Variants in RUNX2 observed in about 807,000 individuals in gnomAD.
RUNX2 encodes runt-related transcription factor 2.
In RUNX2, 10 loss-of-function variants were observed where a neutral mutation model predicts 51.7. The ratio of observed to expected loss-of-function variants is 0.19; its 90% CI spans 0.12 to 0.33. The LOEUF (loss-of-function observed/expected upper bound fraction) is 0.33. RUNX2 is among the 10% of genes least tolerant of loss of function. RUNX2 has a pLI of 1.00. For synonymous variants in RUNX2, 276 were observed against 273.6 expected (o/e 1.01, Z -0.09); for missense variants, 562 against 691.3 (o/e 0.81, Z 2.10).
chr6:45,512,522 C>T, intron 7 of RUNX2, 115 bp downstream of exon 7: 1 of 1,133,394 alleles, frequency 8.8e-7, no homozygotes, highest in Non-Finnish European at 1.3e-6. Flanking sequence ...GGCATGTGGG[C>T]AAGGGAATGA....
At chr6:45,395,316 T>G (rs1394352397) in intron 2 of RUNX2, among the ~76,000 whole-genome samples, 1 of 152,214 alleles carries the variant, frequency 6.6e-6, no homozygotes, top group Non-Finnish European at 1.5e-5. Flanking sequence ...ATAGAAATAA[T>G]TGATGACTAT....
In RUNX2 at chr6:45,491,923, A is replaced by G. The variant is rs113513309; in HGVS notation, c.686-18A>G. ...CAGCTAATTAATATGCTTTTATTTT[A>G]TGATTTGCTATTTCCAGGGCACAGA... is the stretch of plus-strand genomic sequence containing the variant. On this transcript the variant is annotated intron_variant, in intron 5 of 8. Transcript: ENST00000647337. 6.2e-7 allele frequency: 1 copy of G among 1,612,876 alleles called. No individual in the cohort carries two copies. Among genetic ancestry groups the G allele is most frequent in the African/African-American group, 1.3e-5 (1 of 74,924 alleles).
chr6:45,518,746 T>C (rs917072553), intron 7 of RUNX2, among the ~76,000 whole-genome samples: 1 of 152,198 alleles, frequency 6.6e-6, no homozygotes, highest in East Asian at 1.9e-4. Flanking sequence ...GGAATCATGC[T>C]TTTGCAGGGA....
At chr6:45,525,016 CAGG>C (rs1801628878) in intron 7 of RUNX2, among the ~76,000 whole-genome samples, 1 of 152,154 alleles carries the variant, frequency 6.6e-6, no homozygotes, top group East Asian at 1.9e-4. Context: ...GAGGCTGAGG[CAGG>C]AGAATTGCTT....
At chr6:45,406,845 A>G (rs774035232) in intron 2 of RUNX2, among the ~76,000 whole-genome samples, 3 of 152,174 alleles carry the variant, frequency 2.0e-5, no homozygotes, top group Non-Finnish European at 2.9e-5. Flanking sequence ...AGCCCAACCC[A>G]GTACTAGGAA....
At chr6:45,363,509 TAA>T (rs2150263277) in intron 2 of RUNX2, among the ~76,000 whole-genome samples, 1 of 152,172 alleles carries the variant, frequency 6.6e-6, no homozygotes, top group South Asian at 2.1e-4. Flanking sequence ...ATTCCCAAAT[TAA>T]AAGTTTTAAA....
chr6:45,418,272 C>G (rs1798107180), intron 2 of RUNX2, among the ~76,000 whole-genome samples: 1 of 152,102 alleles, frequency 6.6e-6, no homozygotes, highest in African/African-American at 2.4e-5. Flanking sequence ...GATAAATAAC[C>G]TGACTGCTTC....
At chr6:45,512,148 C>G (rs1024274834) in intron 6 of RUNX2, 98 bp from the exon 7 acceptor site, 1 of 1,145,488 alleles carries the variant, frequency 8.7e-7, no homozygotes, top group Non-Finnish European at 1.3e-6. Context: ...TTTTTTCTCT[C>G]CCTGTTTTTC....
chr6:45,411,181 C>G (rs894180941), intron 2 of RUNX2, among the ~76,000 whole-genome samples: 1 of 152,052 alleles, frequency 6.6e-6, no homozygotes, highest in Non-Finnish European at 1.5e-5. Context: ...TTTTCAAGAC[C>G]GCAAAGGTTT....
chr6:45,376,040 A>G (rs1024513395), intron 2 of RUNX2, among the ~76,000 whole-genome samples: 2 of 152,254 alleles, frequency 1.3e-5, no homozygotes, highest in Admixed American at 1.3e-4. Context: ...TTCTCACTGA[A>G]AAACCAACCA....
intron 7 of RUNX2, among the ~76,000 whole-genome samples, chr6:45,516,157 G>A (rs1271957731): frequency 6.6e-6 from 1 of 152,016 alleles, no homozygotes; most frequent in East Asian, 1.9e-4. Context: ...TTGGAAGGAA[G>A]GTATAAACAA....
At chr6:45,330,937 C>A (rs759605574) in intron 2 of RUNX2, among the ~76,000 whole-genome samples, 3 of 151,986 alleles carry the variant, frequency 2.0e-5, no homozygotes, top group African/African-American at 4.8e-5. Context: ...AGCCTAAAAC[C>A]TCACTTCAGG....
chr6:45,502,956 A>G (rs1357675891), intron 6 of RUNX2, among the ~76,000 whole-genome samples: 1 of 152,174 alleles, frequency 6.6e-6, no homozygotes, highest in East Asian at 1.9e-4. Flanking sequence ...TGTTCTAAAC[A>G]CAGGCCTTCT....
chr6:45,398,833 T>G (rs554872131), intron 2 of RUNX2, among the ~76,000 whole-genome samples: 44 of 152,336 alleles, frequency 2.9e-4, no homozygotes, highest in African/African-American at 1.0e-3. Flanking sequence ...AAGTAGGTAT[T>G]ATTGGTCCCA....
At chr6:45,414,012 A>C (rs898710008) in intron 2 of RUNX2, among the ~76,000 whole-genome samples, 3 of 152,182 alleles carry the variant, frequency 2.0e-5, no homozygotes, top group Non-Finnish European at 4.4e-5. Flanking sequence ...GAATACCAAT[A>C]AATACATGAT....
At chr6:45,497,315 G>C (rs1223511897) in intron 6 of RUNX2, among the ~76,000 whole-genome samples, 1 of 152,074 alleles carries the variant, frequency 6.6e-6, no homozygotes, top group East Asian at 1.9e-4. Flanking sequence ...AAGTGCACAG[G>C]ATATTTTTTT....
chr6:45,330,094 G>T (rs1787149234), intron 2 of RUNX2, among the ~76,000 whole-genome samples: 1 of 151,758 alleles, frequency 6.6e-6, no homozygotes, highest in Non-Finnish European at 1.5e-5. Flanking sequence ...CTTACAGGGT[G>T]AGGAAATGTA....
intron 6 of RUNX2, among the ~76,000 whole-genome samples, chr6:45,494,597 C>T (rs780674677): frequency 6.6e-6 from 1 of 151,958 alleles, no homozygotes; most frequent in African/African-American, 2.4e-5. Context: ...TACTTGTCAC[C>T]CCAACCACTC....
intron 7 of RUNX2, among the ~76,000 whole-genome samples, chr6:45,542,032 C>T (rs1255306481): frequency 6.6e-6 from 1 of 152,000 alleles, no homozygotes. Context: ...CTCTACCCTC[C>T]ACAGCTCACT....
Sources: allele counts gnomAD v4.1 joint callset (sites outside exome capture counted in the v4.1 genomes callset), GRCh38; gene constraint gnomAD v4.1.1; transcripts MANE v1.5; gene names NCBI Gene and HGNC (gene_info 2026-07-23, HGNC 2026-07-21).